Variants in CHD1 observed in about 807,000 individuals in gnomAD.
CHD1 encodes the protein chromodomain helicase DNA binding protein 1.
Under a neutral mutation model 224.2 loss-of-function variants are expected in CHD1, and 36 were observed. The observed-to-expected ratio is 0.16, with a 90% confidence interval of 0.12 to 0.21. The LOEUF (loss-of-function observed/expected upper bound fraction) is 0.21, where lower values mean the gene tolerates loss of function less well. CHD1 is among the 10% of genes least tolerant of loss of function. The probability of loss-of-function intolerance (pLI) is 1.00; values close to 1 mark genes in which losing one functional copy is unlikely to be tolerated. For synonymous variants in CHD1, 668 were observed against 658.3 expected (o/e 1.01, Z -0.23); for missense variants, 1,378 against 1,994.8 (o/e 0.69, Z 5.89).
chr5:98,876,647 T>A, intron 23 of CHD1, 89 bp from the exon 24 acceptor site: 2 of 1,139,068 alleles, frequency 1.8e-6, no homozygotes, highest in Non-Finnish European at 2.5e-6. Flanking sequence ...GTCGGAATCT[T>A]AAAAATGTTA....
intron 32 of CHD1, 147 bp downstream of exon 32, chr5:98,863,261 G>A: frequency 2.2e-6 from 1 of 447,778 alleles, no homozygotes; most frequent in African/African-American, 2.0e-5. Flanking sequence ...TAACATTAAA[G>A]GGAGAAAAAT....
chr5:98,899,753 G>C (rs184591266), intron 7 of CHD1, 48 bp from the exon 8 acceptor site: 257 of 1,348,238 alleles, frequency 1.9e-4, no homozygotes, highest in Admixed American at 2.8e-4. Flanking sequence ...TTCTGTTGTA[G>C]GATTATATTT....
intron 28 of CHD1, 93 bp from the exon 29 acceptor site, chr5:98,870,896 A>ATG: frequency 1.7e-6 from 1 of 581,864 alleles, no homozygotes. Context: ...ATATATATAT[A>ATG]GTTCACCAAC....
rs74356052 is a variant in CHD1 at position 98,898,241 on chromosome 5, T to G, written c.1365+15A>C. The G allele has an allele frequency of 2.2e-6, 3 of 1,380,712 alleles. No individual in the cohort carries two copies. The highest frequency in any genetic ancestry group is 2.9e-6 in the Non-Finnish European group (3 of 1,037,482). 85.5% of individuals were successfully genotyped at this position (1,380,712 alleles called of 1,614,324 possible). A position where few individuals can be genotyped will look rare whatever the true frequency, so the allele number is the denominator to read the frequency against. ...AATATATTTTTAATAATTTAAAATG[T>G]TAGACAATACTCACTTTGCAATCTT... On this transcript the variant is annotated intron_variant, in intron 10 of 35. Coordinates refer to ENST00000614616, the MANE Select transcript of CHD1 (RefSeq NM_001270.4).
At chr5:98,906,954 T>C (rs1454090787) in intron 2 of CHD1, among the ~76,000 whole-genome samples, 1 of 152,162 alleles carries the variant, frequency 6.6e-6, no homozygotes, top group East Asian at 1.9e-4. Flanking sequence ...CCTAGCAGAG[T>C]GCCTCACACA....
At chr5:98,897,855 C>T (rs1054760129) in intron 10 of CHD1, among the ~76,000 whole-genome samples, 5 of 152,110 alleles carry the variant, frequency 3.3e-5, no homozygotes, top group Admixed American at 1.3e-4. Context: ...TTTTCTCTAC[C>T]TTCTAAGAAA....
intron 24 of CHD1, among the ~76,000 whole-genome samples, chr5:98,875,564 C>A (rs1388890106): frequency 6.6e-6 from 1 of 151,978 alleles, no homozygotes; most frequent in African/African-American, 2.4e-5. Context: ...AAGAAAGCTA[C>A]GTAAGTGGTT....
intron 23 of CHD1, among the ~76,000 whole-genome samples, chr5:98,878,776 A>G (rs1749954882): frequency 6.6e-6 from 1 of 152,210 alleles, no homozygotes; most frequent in South Asian, 2.1e-4. Flanking sequence ...GGTCAAAGAT[A>G]AGTCATATGG....
intron 12 of CHD1, among the ~76,000 whole-genome samples, chr5:98,895,786 T>G (rs1416115071): frequency 1.3e-5 from 2 of 150,102 alleles, no homozygotes; most frequent in Non-Finnish European, 3.0e-5. Flanking sequence ...CAAATATATA[T>G]ACTAAGTAAC....
intron 2 of CHD1, among the ~76,000 whole-genome samples, chr5:98,908,371 T>TG (rs1348212096): frequency 6.6e-6 from 1 of 152,178 alleles, no homozygotes; most frequent in Non-Finnish European, 1.5e-5. Context: ...CCAAAACTTC[T>TG]GGAATATATA....
At chr5:98,894,555 T>A (rs1188559040) in intron 13 of CHD1, 42 bp downstream of exon 13, 2 of 718,190 alleles carry the variant, frequency 2.8e-6, no homozygotes, top group Admixed American at 5.9e-5. Flanking sequence ...AAGAAAAAAC[T>A]GATATACAAG....
intron 25 of CHD1, among the ~76,000 whole-genome samples, 194 bp from the exon 26 acceptor site, chr5:98,873,917 T>C (rs931532924): frequency 3.9e-5 from 6 of 152,190 alleles, no homozygotes; most frequent in African/African-American, 1.4e-4. Context: ...ATATATTCAA[T>C]AATAATGAGT....
intron 14 of CHD1, among the ~76,000 whole-genome samples, chr5:98,893,140 T>C (rs1367106096): frequency 6.6e-6 from 1 of 152,176 alleles, no homozygotes; most frequent in Admixed American, 6.5e-5. Flanking sequence ...ATACAAAGAA[T>C]GGTACTGTGT....
chr5:98,905,237 A>C (rs1751967184), intron 2 of CHD1, 139 bp from the exon 3 acceptor site: 2 of 979,932 alleles, frequency 2.0e-6, no homozygotes, highest in Non-Finnish European at 2.9e-6. Context: ...AAAAAGAAAA[A>C]GGAATTGATT....
chr5:98,913,181 G>A (rs555601979), intron 2 of CHD1, among the ~76,000 whole-genome samples: 3 of 152,180 alleles, frequency 2.0e-5, no homozygotes, highest in Admixed American at 1.3e-4. Context: ...TCATTCGAAA[G>A]AGCTTCTTGC....
At chr5:98,911,146 A>AATATATATATATATATATATATATAT (rs1158932549) in intron 2 of CHD1, among the ~76,000 whole-genome samples, 5 of 39,118 alleles carry the variant, frequency 1.3e-4, no homozygotes, top group African/African-American at 2.4e-4. Context: ...AAAAAAAAAA[A>AATATATATATATATATATATATATAT]ATATATATAT....
intron 1 of CHD1, 119 bp from the exon 2 acceptor site, chr5:98,926,653 TG>T (rs1262625124): frequency 4.2e-6 from 1 of 237,210 alleles, no homozygotes. Context: ...AAGGAAGAAG[TG>T]GGGGCCTTTT....
In CHD1 at chr5:98,900,058, G is replaced by A. The variant is rs528606233; in HGVS notation, c.860-353C>T. Among the ~76,000 whole-genome samples the A allele has an allele frequency of 3.9e-5, 6 of 152,074 alleles. No homozygotes were observed. The South Asian group carries it at 1.2e-3, about 32-fold the overall frequency. On this transcript the variant is annotated intron_variant, in intron 7 of 35. Transcript: ENST00000614616. ...AGCAATTTGGGAGGCCGAGGCGGGC[G>A]GATCACGAGGTCAGGAGATCAAGAC...
intron 31 of CHD1, 78 bp from the exon 32 acceptor site, chr5:98,863,664 AT>A: frequency 1.1e-6 from 1 of 921,360 alleles, no homozygotes; most frequent in Non-Finnish European, 1.6e-6. Flanking sequence ...CTTCAATGAT[AT>A]TTACATGAGT....
Sources: gnomAD v4.1 joint callset for allele counts (sites outside exome capture counted in the v4.1 genomes callset) on GRCh38, gnomAD v4.1.1 for gene constraint, MANE v1.5 for transcripts, NCBI Gene and HGNC (gene_info 2026-07-23, HGNC 2026-07-21) for gene names.